Variants in ITCH observed in about 807,000 individuals in gnomAD.
ITCH encodes E3 ubiquitin-protein ligase Itchy homolog.
In ITCH, 28 loss-of-function variants were observed where a neutral mutation model predicts 126.8. The observed-to-expected ratio is 0.22, with a 90% CI of 0.16 to 0.30. The LOEUF (loss-of-function observed/expected upper bound fraction) is 0.30, where lower values mean the gene tolerates loss of function less well. Ranked by LOEUF, ITCH falls within the 10% of genes least tolerant of loss-of-function variation. The probability of loss-of-function intolerance (pLI) is 1.00; values close to 1 mark genes in which losing one functional copy is unlikely to be tolerated. For synonymous variants in ITCH, 342 were observed against 340.0 expected (o/e 1.01, Z -0.06); for missense variants, 631 against 1,032.4 (o/e 0.61, Z 5.33).
chr20:34,420,675 AT>A (rs1386460183), intron 6 of ITCH, among the ~76,000 whole-genome samples: 1 of 152,042 alleles, frequency 6.6e-6, no homozygotes, highest in Non-Finnish European at 1.5e-5. Context: ...ATACATAGGA[AT>A]TTTTTTTAAA....
At chr20:34,447,390 A>G (rs1226293575) in intron 11 of ITCH, among the ~76,000 whole-genome samples, 2 of 152,180 alleles carry the variant, frequency 1.3e-5, no homozygotes, top group Non-Finnish European at 2.9e-5. Context: ...ATTTACTTTA[A>G]AAATGATGGG....
chr20:34,394,830 G>T (rs1171547662), intron 3 of ITCH, among the ~76,000 whole-genome samples: 1 of 152,088 alleles, frequency 6.6e-6, no homozygotes, highest in Non-Finnish European at 1.5e-5. Context: ...ATTTTTAGGG[G>T]AATTCAGAGG....
intron 20 of ITCH, among the ~76,000 whole-genome samples, chr20:34,487,939 CA>C (rs973238971): frequency 2.0e-5 from 3 of 150,616 alleles, no homozygotes; most frequent in East Asian, 3.9e-4. Context: ...GACTTCGTCT[CA>C]AAAAAAAAGA....
intron 7 of ITCH, among the ~76,000 whole-genome samples, chr20:34,426,128 A>C (rs1981483191): frequency 6.6e-6 from 1 of 152,254 alleles, no homozygotes. Context: ...GCATGTCTTA[A>C]CCACAGAGTG....
intron 3 of ITCH, among the ~76,000 whole-genome samples, chr20:34,397,915 A>G (rs987854198): frequency 6.6e-6 from 1 of 152,172 alleles, no homozygotes; most frequent in Non-Finnish European, 1.5e-5. Context: ...TTAAAAAAAT[A>G]GTAAATTATT....
intron 6 of ITCH, among the ~76,000 whole-genome samples, chr20:34,424,079 T>C (rs1033330244): frequency 6.6e-6 from 1 of 152,222 alleles, no homozygotes; most frequent in African/African-American, 2.4e-5. Context: ...AGAGACGTTA[T>C]GGGTTTTTCT....
intron 23 of ITCH, among the ~76,000 whole-genome samples, chr20:34,501,105 A>G (rs913818394): frequency 6.6e-6 from 1 of 152,216 alleles, no homozygotes; most frequent in Non-Finnish European, 1.5e-5. Context: ...AGAGGCAGCC[A>G]TCTAGTTTAA....
intron 7 of ITCH, among the ~76,000 whole-genome samples, chr20:34,438,270 C>CT (rs1247658214): frequency 6.6e-6 from 1 of 152,178 alleles, no homozygotes; most frequent in Non-Finnish European, 1.5e-5. Flanking sequence ...ACCCATCACT[C>CT]TATCTCTAGA....
chr20:34,417,998 G>A (rs974896265), intron 6 of ITCH, among the ~76,000 whole-genome samples: 9 of 144,010 alleles, frequency 6.2e-5, no homozygotes, highest in Non-Finnish European at 1.1e-4. Flanking sequence ...ACAGGGTATC[G>A]TTCATTTGCC....
intron 23 of ITCH, among the ~76,000 whole-genome samples, chr20:34,495,170 C>T (rs540670460): frequency 2.1e-4 from 32 of 149,880 alleles, no homozygotes; most frequent in African/African-American, 6.4e-4. Flanking sequence ...GAGGCTGAGG[C>T]AGGAGAATCA....
chr20:34,452,155 C>T (rs1387453721), intron 12 of ITCH, among the ~76,000 whole-genome samples: 1 of 151,390 alleles, frequency 6.6e-6, no homozygotes, highest in Non-Finnish European at 1.5e-5. Context: ...TTTACTCCTT[C>T]TCTAGGGCAG....
At chr20:34,434,930 C>G (rs1982808530) in intron 7 of ITCH, among the ~76,000 whole-genome samples, 1 of 152,148 alleles carries the variant, frequency 6.6e-6, no homozygotes, top group South Asian at 2.1e-4. Flanking sequence ...AATACAAATA[C>G]ATAGACTGAA....
intron 14 of ITCH, among the ~76,000 whole-genome samples, chr20:34,468,790 C>CCA (rs1987334386): frequency 7.2e-6 from 1 of 139,178 alleles, no homozygotes; most frequent in Non-Finnish European, 1.5e-5. Flanking sequence ...GACTCCATCT[C>CCA]AAAAAAAAAA....
chr20:34,400,591 A>G (rs1383843967), intron 3 of ITCH, among the ~76,000 whole-genome samples: 1 of 151,628 alleles, frequency 6.6e-6, no homozygotes, highest in East Asian at 1.9e-4. Flanking sequence ...CAGTGTTTGT[A>G]TCAAAGGGTG....
chr20:34,452,425 GA>G (rs1251813684), intron 12 of ITCH, among the ~76,000 whole-genome samples: 5 of 152,166 alleles, frequency 3.3e-5, no homozygotes, highest in Non-Finnish European at 7.3e-5. Flanking sequence ...TCCTCATGTT[GA>G]AGTAGTGCTA....
chr20:34,447,824 A>G (rs1241083460), intron 11 of ITCH, among the ~76,000 whole-genome samples: 8 of 152,188 alleles, frequency 5.3e-5, no homozygotes, highest in Admixed American at 5.2e-4. Flanking sequence ...AGTGTAATGT[A>G]GCTCATATCC....
intron 20 of ITCH, among the ~76,000 whole-genome samples, chr20:34,482,943 T>G: frequency 6.6e-6 from 1 of 152,172 alleles, no homozygotes; most frequent in Non-Finnish European, 1.5e-5. Flanking sequence ...AATTTTTGCC[T>G]TCTGTGCACC....
intron 11 of ITCH, among the ~76,000 whole-genome samples, chr20:34,448,963 C>G (rs1487734068): frequency 6.6e-6 from 1 of 152,166 alleles, no homozygotes; most frequent in Non-Finnish European, 1.5e-5. Context: ...TCCCCCAACT[C>G]TCTTCTCATA....
chr20:34,372,290 G>A (rs1464149414), intron 2 of ITCH, among the ~76,000 whole-genome samples: 2 of 121,338 alleles, frequency 1.6e-5, no homozygotes, highest in African/African-American at 6.7e-5. Flanking sequence ...GGGCGACAGA[G>A]TGACAGAGGG....
Sources: gnomAD v4.1 joint callset for allele counts (sites outside exome capture counted in the v4.1 genomes callset) on GRCh38, gnomAD v4.1.1 for gene constraint, MANE v1.5 for transcripts, NCBI Gene and HGNC (gene_info 2026-07-23, HGNC 2026-07-21) for gene names.